NLK: variants seen among roughly 807,000 people sequenced by gnomAD.
NLK encodes nemo like kinase, also known as serine/threonine-protein kinase NLK.
Under a neutral mutation model 59.0 loss-of-function variants are expected in NLK, and 11 were observed. The observed-to-expected ratio is 0.19, with a 90% CI of 0.12 to 0.31. The LOEUF (loss-of-function observed/expected upper bound fraction) is 0.31, where lower values mean the gene tolerates loss of function less well. NLK is among the 10% of genes least tolerant of loss of function. The pLI is 1.00. For synonymous variants in NLK, 235 were observed against 235.9 expected, an observed-to-expected ratio of 1.00 and a Z score of 0.03; for missense variants, 410 against 661.1, an observed-to-expected ratio of 0.62 and a Z score of 4.16.
At chr17:28,126,957 G>A (rs538090730) in intron 2 of NLK, among the ~76,000 whole-genome samples, 1 of 152,226 alleles carries the variant, frequency 6.6e-6, no homozygotes, top group South Asian at 2.1e-4. Context: ...TGAGATGAAA[G>A]CTATGAATCC....
chr17:28,073,051 ATCT>A (rs1910059843), intron 1 of NLK, among the ~76,000 whole-genome samples: 1 of 151,808 alleles, frequency 6.6e-6, no homozygotes, highest in African/African-American at 2.4e-5. Context: ...TGATGTGAGT[ATCT>A]AGTAGTACCA....
At chr17:28,128,352 C>T (rs1378723748) in intron 2 of NLK, among the ~76,000 whole-genome samples, 2 of 152,050 alleles carry the variant, frequency 1.3e-5, no homozygotes, top group African/African-American at 4.8e-5. Context: ...CAATAAAATA[C>T]TTGTTCCCAT....
downstream of NLK, among the ~76,000 whole-genome samples, chr17:28,199,665 C>CAAAAAAAAAA (rs1303411168): frequency 1.8e-3 from 60 of 33,002 alleles, no homozygotes; most frequent in African/African-American, 2.1e-3. Flanking sequence ...GACTCTGTCT[C>CAAAAAAAAAA]AAAAAAAAAA....
chr17:28,107,825 T>G (rs1276165090), intron 1 of NLK, among the ~76,000 whole-genome samples: 1 of 152,192 alleles, frequency 6.6e-6, no homozygotes, highest in East Asian at 1.9e-4. Context: ...CAAAGAGACA[T>G]ATATCAGTAG....
chr17:28,124,781 A>G (rs1029496483), intron 2 of NLK, among the ~76,000 whole-genome samples: 3 of 152,030 alleles, frequency 2.0e-5, no homozygotes, highest in African/African-American at 7.2e-5. Context: ...CGGGCGCAGT[A>G]GCTCATGCTT....
At chr17:28,050,527 G>A (rs1200568091) in intron 1 of NLK, among the ~76,000 whole-genome samples, 2 of 152,162 alleles carry the variant, frequency 1.3e-5, no homozygotes, top group Non-Finnish European at 2.9e-5. Context: ...GGCTCCGTAG[G>A]CGGGCAATGA....
intron 7 of NLK, among the ~76,000 whole-genome samples, chr17:28,178,548 T>C (rs1908774854): frequency 6.6e-6 from 1 of 152,238 alleles, no homozygotes; most frequent in African/African-American, 2.4e-5. Flanking sequence ...AAGTCTATTG[T>C]CAGCTCTTAG....
At position 28,190,684 on chromosome 17, in the gene NLK, C is replaced by T. The variant is rs62067267; in HGVS notation, c.1237-337C>T. ...TATAGCCTGTTATTTAAAAGGTAAA[C>T]GTAACCCCTTCAAAGCACTACATAG... On this transcript the variant is annotated intron_variant, in intron 8 of 10. Coordinates refer to ENST00000407008, the MANE Select transcript of NLK (RefSeq NM_016231.5). Among the ~76,000 whole-genome samples, 357 of 152,168 alleles carry T rather than the reference C, an allele frequency of 2.3e-3. 3 individuals are homozygous for T. The highest frequency in any genetic ancestry group is 8.0e-3 in the African/African-American group (333 of 41,504).
chr17:28,131,531 A>T (rs1039058726), intron 2 of NLK, among the ~76,000 whole-genome samples: 2 of 147,138 alleles, frequency 1.4e-5, no homozygotes, highest in African/African-American at 5.0e-5. Context: ...TATTGATTAC[A>T]TGGGCATTCT....
At chr17:28,188,986 C>A (rs1356691846) in intron 8 of NLK, among the ~76,000 whole-genome samples, 1 of 149,738 alleles carries the variant, frequency 6.7e-6, no homozygotes, top group Non-Finnish European at 1.5e-5. Flanking sequence ...CACAGACACA[C>A]ACACACACAC....
chr17:28,053,436 C>CA (rs1909328812), intron 1 of NLK, among the ~76,000 whole-genome samples: 1 of 152,168 alleles, frequency 6.6e-6, no homozygotes, highest in East Asian at 1.9e-4. Flanking sequence ...GGTACCTGAT[C>CA]GTTGCCATGT....
At chr17:28,111,450 C>G (rs981225676) in intron 1 of NLK, among the ~76,000 whole-genome samples, 1 of 152,014 alleles carries the variant, frequency 6.6e-6, no homozygotes, top group African/African-American at 2.4e-5. Flanking sequence ...GCTGGGATTA[C>G]AGGCATGAGC....
intron 1 of NLK, among the ~76,000 whole-genome samples, chr17:28,053,334 T>C (rs1212518295): frequency 6.6e-6 from 1 of 152,218 alleles, no homozygotes; most frequent in Non-Finnish European, 1.5e-5. Context: ...ATGATCTCTA[T>C]AGAGAAGTCC....
chr17:28,113,197 G>A (rs1905600137), intron 1 of NLK, among the ~76,000 whole-genome samples: 1 of 151,980 alleles, frequency 6.6e-6, no homozygotes. Flanking sequence ...TAACTCAATG[G>A]TGTATCACAA....
At chr17:28,057,104 A>G (rs1027902379) in intron 1 of NLK, among the ~76,000 whole-genome samples, 7 of 151,626 alleles carry the variant, frequency 4.6e-5, no homozygotes, top group Non-Finnish European at 1.0e-4. Context: ...ACAGGCATGC[A>G]CCACCACGCC....
intron 3 of NLK, among the ~76,000 whole-genome samples, chr17:28,144,393 A>AG (rs1907148980): frequency 7.3e-6 from 1 of 136,716 alleles, no homozygotes; most frequent in Non-Finnish European, 1.5e-5. Flanking sequence ...TTCCAGGTGA[A>AG]GCCAAAAAAA....
chr17:28,151,578 A>G (rs1216041893), intron 3 of NLK, among the ~76,000 whole-genome samples: 1 of 152,232 alleles, frequency 6.6e-6, no homozygotes, highest in East Asian at 1.9e-4. Context: ...TATGTTTAAA[A>G]GATACTAAAG....
At chr17:28,125,969 T>A (rs905727429) in intron 2 of NLK, among the ~76,000 whole-genome samples, 16 of 152,218 alleles carry the variant, frequency 1.1e-4, no homozygotes, top group Non-Finnish European at 2.9e-5. Context: ...TTACGTAACT[T>A]GCCCAAGGTT....
intron 7 of NLK, among the ~76,000 whole-genome samples, chr17:28,179,197 G>A (rs1305176898): frequency 2.0e-5 from 3 of 152,108 alleles, no homozygotes; most frequent in African/African-American, 4.8e-5. Flanking sequence ...ATGTGTGAAT[G>A]TTAGGAGAAT....
Sources: gnomAD v4.1 joint callset for allele counts (sites outside exome capture counted in the v4.1 genomes callset) on GRCh38, gnomAD v4.1.1 for gene constraint, MANE v1.5 for transcripts, NCBI Gene and HGNC (gene_info 2026-07-23, HGNC 2026-07-21) for gene names.